Variants in RBFOX1 observed in about 807,000 individuals in gnomAD.
RBFOX1 encodes RNA binding protein fox-1 homolog 1.
In RBFOX1, 8 loss-of-function variants were observed where a neutral mutation model predicts 57.7. The observed-to-expected ratio is 0.14, with a 90% CI of 0.08 to 0.25. The LOEUF is 0.25. Ranked by LOEUF, RBFOX1 falls within the 10% of genes least tolerant of loss-of-function variation. The pLI is 1.00. For missense variants in RBFOX1, 611 were observed against 548.5 expected, an observed-to-expected ratio of 1.11 and a Z score of -1.14; for synonymous variants, 326 against 222.4, an observed-to-expected ratio of 1.47 and a Z score of -4.15.
intron 2 of RBFOX1, among the ~76,000 whole-genome samples, chr16:6,625,467 A>C (rs1160226479): frequency 6.6e-6 from 1 of 152,176 alleles, no homozygotes; most frequent in Non-Finnish European, 1.5e-5. Context: ...AATGGGATAC[A>C]AAGTCCAAGC....
chr16:7,604,157 T>C (rs551610481), intron 9 of RBFOX1, among the ~76,000 whole-genome samples: 4 of 152,150 alleles, frequency 2.6e-5, no homozygotes, highest in Admixed American at 2.0e-4. Flanking sequence ...TAGATAGATA[T>C]GCCATTTGCT....
Position 7,536,258 on chromosome 16 carries a change from C to T in RBFOX1, c.270+17869C>T, listed in dbSNP as rs932247003. Among the ~76,000 whole-genome samples, 4 of 152,138 alleles carry T rather than the reference C, an allele frequency of 2.6e-5. No homozygotes were observed. The East Asian group carries it at 5.8e-4, about 22-fold the overall frequency. On this transcript the variant is annotated intron_variant, in intron 5 of 15. Coordinates refer to ENST00000550418, the MANE Select transcript of RBFOX1 (RefSeq NM_018723.4). The stretch of plus-strand genomic sequence containing the variant: ...AGCAACAGGGAGACATAAATCAAAG[C>T]GGAGATGCATTCAAGACTTCCTTAA...
chr16:6,662,155 C>T (rs553223639), intron 3 of RBFOX1, among the ~76,000 whole-genome samples: 1 of 151,410 alleles, frequency 6.6e-6, no homozygotes, highest in South Asian at 2.1e-4. Flanking sequence ...AAGGGAGGAT[C>T]TTGGTCAAAG....
chr16:7,573,885 C>T (rs1436141825), intron 5 of RBFOX1, among the ~76,000 whole-genome samples: 2 of 151,916 alleles, frequency 1.3e-5, no homozygotes, highest in African/African-American at 2.4e-5. Context: ...AGATTACTTC[C>T]CACTAAGCTT....
chr16:5,769,252 C>T (rs548678069), intron 3 of RBFOX1, among the ~76,000 whole-genome samples: 3 of 152,032 alleles, frequency 2.0e-5, no homozygotes, highest in South Asian at 2.1e-4. Flanking sequence ...TAGCACGTGA[C>T]CTTATTTGGA....
intron 1 of RBFOX1, among the ~76,000 whole-genome samples, chr16:6,071,833 C>A (rs936251674): frequency 6.6e-6 from 1 of 152,156 alleles, no homozygotes; most frequent in African/African-American, 2.4e-5. Context: ...TAGAATCATG[C>A]AATGTTTATC....
At chr16:5,691,386 T>C (rs2050676268) in intron 3 of RBFOX1, among the ~76,000 whole-genome samples, 1 of 152,168 alleles carries the variant, frequency 6.6e-6, no homozygotes, top group African/African-American at 2.4e-5. Flanking sequence ...ATGCAGCTGG[T>C]CGACCATTTG....
intron 2 of RBFOX1, among the ~76,000 whole-genome samples, chr16:6,523,563 G>C (rs2096538084): frequency 1.3e-5 from 2 of 151,986 alleles, no homozygotes; most frequent in African/African-American, 4.8e-5. Flanking sequence ...ACCCTTTTTT[G>C]ACCTTGCCTT....
chr16:7,342,357 C>G (rs1350408411), intron 4 of RBFOX1, among the ~76,000 whole-genome samples: 1 of 152,176 alleles, frequency 6.6e-6, no homozygotes, highest in Non-Finnish European at 1.5e-5. Context: ...AGTTGGCATC[C>G]TGGCTCCTGT....
chr16:6,311,123 T>C (rs927269651), intron 1 of RBFOX1, among the ~76,000 whole-genome samples: 7 of 151,714 alleles, frequency 4.6e-5, no homozygotes, highest in East Asian at 3.9e-4. Context: ...GGTGAAACCC[T>C]GTCTCTACTA....
chr16:6,758,388 C>G (rs779942543), intron 3 of RBFOX1, among the ~76,000 whole-genome samples: 5 of 152,060 alleles, frequency 3.3e-5, no homozygotes, highest in African/African-American at 7.2e-5. Flanking sequence ...AAGAGATTAA[C>G]CAGACCAAAG....
chr16:7,244,406 C>T (rs2094204614), intron 4 of RBFOX1, among the ~76,000 whole-genome samples: 1 of 152,128 alleles, frequency 6.6e-6, no homozygotes, highest in Admixed American at 6.6e-5. Context: ...TTTCCTGAGC[C>T]AGCCATTTCA....
intron 3 of RBFOX1, among the ~76,000 whole-genome samples, chr16:5,793,398 G>A (rs2054770227): frequency 6.6e-6 from 1 of 152,242 alleles, no homozygotes; most frequent in Non-Finnish European, 1.5e-5. Flanking sequence ...ATCTCCCTTG[G>A]TGAAGATTTA....
chr16:6,733,217 CA>C (rs1401770759), intron 3 of RBFOX1, among the ~76,000 whole-genome samples: 1 of 152,204 alleles, frequency 6.6e-6, no homozygotes, highest in African/African-American at 2.4e-5. Context: ...TATTTATTAG[CA>C]GGTGCCAGAG....
At chr16:6,567,327 C>G (rs1200480745) in intron 2 of RBFOX1, among the ~76,000 whole-genome samples, 2 of 152,166 alleles carry the variant, frequency 1.3e-5, no homozygotes, top group African/African-American at 2.4e-5. Context: ...GATGGGGAAA[C>G]TGAGGCATGG....
At chr16:5,923,512 T>C (rs188303343) in intron 4 of RBFOX1, among the ~76,000 whole-genome samples, 3 of 150,016 alleles carry the variant, frequency 2.0e-5, no homozygotes, top group East Asian at 2.0e-4. Context: ...ACCTAGATCA[T>C]CTGTCTCCAG....
chr16:5,458,043 G>GA (rs34997609), intron 1 of RBFOX1, among the ~76,000 whole-genome samples: 1 of 151,926 alleles, frequency 6.6e-6, no homozygotes, highest in Non-Finnish European at 1.5e-5. Context: ...CTTCTGGGCA[G>GA]AAAAAAATGC....
intron 2 of RBFOX1, among the ~76,000 whole-genome samples, chr16:6,639,417 A>C (rs2098469156): frequency 6.6e-6 from 1 of 152,160 alleles, no homozygotes; most frequent in Non-Finnish European, 1.5e-5. Flanking sequence ...TCCTGTTAGA[A>C]ATTGCATCTT....
chr16:7,691,801 G>C (rs1004986534), intron 14 of RBFOX1, among the ~76,000 whole-genome samples: 2 of 152,132 alleles, frequency 1.3e-5, no homozygotes, highest in Admixed American at 6.6e-5. Flanking sequence ...AAATTGGGTA[G>C]AGCTGCCCCA....
Sources: allele counts gnomAD v4.1 joint callset (sites outside exome capture counted in the v4.1 genomes callset), GRCh38; gene constraint gnomAD v4.1.1; transcripts MANE v1.5; gene names NCBI Gene and HGNC (gene_info 2026-07-23, HGNC 2026-07-21).